The following CFAP91 variants were observed in gnomAD, a reference collection of about 807,000 sequenced individuals.
The protein encoded by CFAP91 is cilia and flagella associated protein 91, also known as cilia- and flagella-associated protein 91.
In CFAP91, 85 loss-of-function variants were observed where a neutral mutation model predicts 95.9. The ratio of observed to expected loss-of-function variants is 0.89; its 90% confidence interval spans 0.74 to 1.06. CFAP91 has a LOEUF of 1.06. CFAP91 is among the 50% of genes least tolerant of loss of function. The pLI, the probability that CFAP91 is intolerant of heterozygous loss-of-function variation, is 0.00. For synonymous variants in CFAP91, 335 were observed against 327.5 expected (o/e 1.02, Z -0.25); for missense variants, 962 against 943.4 (o/e 1.02, Z -0.26).
At chr3:119,741,394 A>G (rs1184193669) in intron 13 of CFAP91, among the ~76,000 whole-genome samples, 2 of 152,180 alleles carry the variant, frequency 1.3e-5, no homozygotes, top group Non-Finnish European at 2.9e-5. Context: ...AAATATTAGC[A>G]TTTATTTTGG....
At position 119,747,873 on chromosome 3, in the gene CFAP91, A is replaced by C. The variant is rs766437918; in HGVS notation, c.2114A>C (p.Glu705Ala). Residue 705 changes from glutamate to alanine, a missense_variant, in exon 16 of 18, where the codon GAG becomes GCG. Physicochemically the swap from Glu to Ala is moderately radical, Grantham distance 107 (BLOSUM62 -1). Transcript: ENST00000273390. The stretch of plus-strand genomic sequence containing the variant: ...TTGGTTTATAGTTTTCTGATCCCAG[A>C]GGTGCAAAAATACTTTGTCAAAGAA... Reference protein sequence around the residue: ...AELVYSFLIPEVQKYFVKEKV... With the variant: ...AELVYSFLIPAVQKYFVKEKV... 8 of 1,613,486 alleles carry C rather than the reference A, an allele frequency of 5.0e-6. No homozygotes were observed. Among genetic ancestry groups the C allele is most frequent in the Non-Finnish European group, 6.8e-6 (8 of 1,179,684 alleles).
rs370993987 is a variant in CFAP91, at chr3:119,739,241, C to T, written c.1462-14C>T. ...CAGTTCTCAAGCTGCTTGGTTCTCC[C>T]TTTGTTCTTTTAGGAAGAAGAAGAA... On this transcript the variant is annotated splice_polypyrimidine_tract_variant and intron_variant, in intron 11 of 17. Coordinates refer to ENST00000273390, the MANE Select transcript of CFAP91 (RefSeq NM_033364.4). 19 of 1,612,486 alleles carry T rather than the reference C, an allele frequency of 1.2e-5. No individual in the cohort carries two copies. In the African/African-American group the frequency reaches 2.3e-4, roughly 19 times the overall value.
chr3:119,720,513 A>G (rs919250266), intron 6 of CFAP91, among the ~76,000 whole-genome samples: 1 of 152,172 alleles, frequency 6.6e-6, no homozygotes, highest in Non-Finnish European at 1.5e-5. Context: ...TAACTATAGA[A>G]ATTGACCTGG....
At chr3:119,757,820 G>A (rs1470772659) in intron 17 of CFAP91, among the ~76,000 whole-genome samples, 1 of 152,160 alleles carries the variant, frequency 6.6e-6, no homozygotes, top group African/African-American at 2.4e-5. Flanking sequence ...GTGTGGGCTG[G>A]CCTGATGGAT....
At chr3:119,726,460 C>T in intron 7 of CFAP91, 112 bp downstream of exon 7, 1 of 1,024,380 alleles carries the variant, frequency 9.8e-7, no homozygotes, top group Non-Finnish European at 1.4e-6. Flanking sequence ...AATCCTCAAC[C>T]TATAGAGATA....
At chr3:119,739,185 T>G in intron 11 of CFAP91, 70 bp from the exon 12 acceptor site, 1 of 1,342,682 alleles carries the variant, frequency 7.4e-7, no homozygotes, top group Non-Finnish European at 1.1e-6. Flanking sequence ...GAAATAAGTC[T>G]TCAAAAGAAT....
rs1355893747 is a variant in CFAP91 at position 119,757,772 on chromosome 3, G to GAGGGACATTACCAGGGGAAAGAGAA, written c.*1+6676_*1+6700dup. ...AGAATGCATATTCTTGCCAAGGGCAGAGGGACATTACCAGGGGAAAGAGAA... is the reference window on the plus strand; with the variant it reads ...AGAATGCATATTCTTGCCAAGGGCAGAGGGACATTACCAGGGGAAAGAGAAAGGGACATTACCAGGGGAAAGAGAA... On this transcript the variant is annotated intron_variant, in intron 17 of 17. Transcript: ENST00000273390. 3.3e-4 allele frequency among the ~76,000 whole-genome samples: 51 copies of GAGGGACATTACCAGGGGAAAGAGAA among 152,334 alleles called. No individual in the cohort carries two copies. The East Asian group carries it at 9.8e-3, about 29-fold the overall frequency.
rs184460784 is a variant in CFAP91, at chr3:119,735,669, A to G, written c.1345-1697A>G. Among the ~76,000 whole-genome samples, 280 of 152,320 alleles carry G rather than the reference A, an allele frequency of 1.8e-3. 2 individuals carry two copies. Among genetic ancestry groups the G allele is most frequent in the Non-Finnish European group, 3.1e-3 (209 of 68,016 alleles). On this transcript the variant is annotated intron_variant, in intron 10 of 17. Transcript: ENST00000273390. ...AGTATATGATTATACATGTAAAATAATAAAAGTACATCTTCAAATCACACT... is the reference window on the plus strand; with the variant it reads ...AGTATATGATTATACATGTAAAATAGTAAAAGTACATCTTCAAATCACACT...
chr3:119,719,247 AAATT>A (rs1469726005), intron 6 of CFAP91, among the ~76,000 whole-genome samples: 4 of 152,234 alleles, frequency 2.6e-5, no homozygotes, highest in African/African-American at 2.4e-5. Flanking sequence ...AGTCAAAACT[AAATT>A]AACGCATTAG....
intron 13 of CFAP91, among the ~76,000 whole-genome samples, chr3:119,741,194 A>AT (rs57025703): frequency 4.6e-5 from 7 of 152,162 alleles, no homozygotes; most frequent in South Asian, 2.1e-4. Flanking sequence ...ATATGGTGCT[A>AT]TTTTTTCTTT....
rs775490473 is a variant in CFAP91 at position 119,740,572 on chromosome 3, A to G, written c.1557A>G (p.Arg519=). Residue 519 remains arginine (R), a synonymous_variant, in exon 13 of 18, where the codon CGA becomes CGG. Coordinates refer to ENST00000273390, the MANE Select transcript of CFAP91 (RefSeq NM_033364.4). The part of the protein sequence containing the change: ...QNMMFEGKEK[R]LELIQELRTC... ...AGATGTTTGAAGGGAAAGAAAAGCG[A>G]CTGGAGTTGATCCAGGAGTTGCGCA... 6.2e-7 allele frequency: 1 copy of G among 1,613,712 alleles called. No individual in the cohort carries two copies. Among genetic ancestry groups the G allele is most frequent in the African/African-American group, 1.3e-5 (1 of 74,844 alleles).
intron 14 of CFAP91, among the ~76,000 whole-genome samples, chr3:119,746,553 A>G (rs1390929345): frequency 1.3e-5 from 2 of 152,174 alleles, no homozygotes; most frequent in South Asian, 2.1e-4. Flanking sequence ...GAAAGGAGAA[A>G]TGAAGAGAGA....
At chr3:119,757,499 T>C (rs1294100769) in intron 17 of CFAP91, among the ~76,000 whole-genome samples, 1 of 151,516 alleles carries the variant, frequency 6.6e-6, no homozygotes, top group Non-Finnish European at 1.5e-5. Context: ...AAAAAAAAAT[T>C]AGCCAGGCAT....
intron 17 of CFAP91, among the ~76,000 whole-genome samples, chr3:119,758,810 A>G (rs542011015): frequency 1.2e-4 from 19 of 152,102 alleles, no homozygotes; most frequent in Admixed American, 2.6e-4. Flanking sequence ...ATGAAATGAG[A>G]AAGAGGAAAA....
chr3:119,724,214 A>G (rs7623217), intron 6 of CFAP91, among the ~76,000 whole-genome samples: 72,929 of 151,368 alleles, frequency 0.48, 18,282 homozygotes, highest in East Asian at 0.63. Context: ...TGCTTAAGTA[A>G]TGTTAGGTTT....
chr3:119,715,943 A>G (rs2107864140), intron 6 of CFAP91, 200 bp downstream of exon 6: 2 of 603,768 alleles, frequency 3.3e-6, no homozygotes, highest in Non-Finnish European at 5.9e-6. Flanking sequence ...GAGTAGTTTT[A>G]TCGTACTCTA....
At chr3:119,750,891 T>G in intron 16 of CFAP91, 46 bp from the exon 17 acceptor site, 1 of 1,608,312 alleles carries the variant, frequency 6.2e-7, no homozygotes, top group South Asian at 1.1e-5. Context: ...GGGAATGGTT[T>G]TGTTCAGACT....
chr3:119,728,850 T>C (rs2053837326), intron 7 of CFAP91, among the ~76,000 whole-genome samples: 1 of 152,208 alleles, frequency 6.6e-6, no homozygotes, highest in Non-Finnish European at 1.5e-5. Flanking sequence ...CTATCCTTTC[T>C]TCTTCCACGA....
intron 17 of CFAP91, among the ~76,000 whole-genome samples, chr3:119,764,614 C>G (rs894852405): frequency 2.0e-5 from 3 of 151,816 alleles, no homozygotes; most frequent in Admixed American, 6.6e-5. Flanking sequence ...TGTATATATA[C>G]AAACAAATAC....
Sources: allele counts gnomAD v4.1 joint callset (sites outside exome capture counted in the v4.1 genomes callset), GRCh38; gene constraint gnomAD v4.1.1; transcripts MANE v1.5; gene names NCBI Gene and HGNC (gene_info 2026-07-23, HGNC 2026-07-21).